LHFPL2: variants seen among roughly 807,000 people sequenced by gnomAD.
LHFPL2 encodes the protein LHFPL tetraspan subfamily member 2, also known as LHFPL tetraspan subfamily member 2 protein.
A neutral mutation model predicts 17.5 loss-of-function variants in LHFPL2; 7 were observed. That is an observed-to-expected ratio of 0.40 (90% CI 0.23 to 0.75). The LOEUF is 0.75. LHFPL2 is among the 30% of genes least tolerant of loss of function. The probability of loss-of-function intolerance (pLI) is 0.37; values close to 1 mark genes in which losing one functional copy is unlikely to be tolerated. For synonymous variants in LHFPL2, 134 were observed against 116.2 expected, an observed-to-expected ratio of 1.15 and a Z score of -0.99; for missense variants, 241 against 294.8, an observed-to-expected ratio of 0.82 and a Z score of 1.34.
chr5:78,574,474 C>A (rs1757078747), intron 2 of LHFPL2, among the ~76,000 whole-genome samples: 1 of 152,236 alleles, frequency 6.6e-6, no homozygotes, highest in Non-Finnish European at 1.5e-5. Context: ...ACCAACTGAA[C>A]CCTGACCCTG....
intron 2 of LHFPL2, among the ~76,000 whole-genome samples, chr5:78,609,645 G>A (rs904472505): frequency 1.3e-5 from 2 of 151,772 alleles, no homozygotes; most frequent in Non-Finnish European, 2.9e-5. Flanking sequence ...AGGTTCTGAG[G>A]GTGTATATGT....
chr5:78,601,929 G>A (rs1744031785), intron 2 of LHFPL2, among the ~76,000 whole-genome samples: 1 of 152,146 alleles, frequency 6.6e-6, no homozygotes, highest in African/African-American at 2.4e-5. Flanking sequence ...TCAGTAGGAA[G>A]GAGTCAATGG....
chr5:78,567,113 A>G (rs1210571891), intron 2 of LHFPL2, among the ~76,000 whole-genome samples: 2 of 152,232 alleles, frequency 1.3e-5, no homozygotes, highest in African/African-American at 4.8e-5. Flanking sequence ...AGTAACGGAA[A>G]AGGCAGAATT....
rs769120828 is a variant in LHFPL2 at position 78,621,546 on chromosome 5, C to T, written c.-245+10718G>A. Among the ~76,000 whole-genome samples, 10 of 152,130 alleles carry T rather than the reference C, an allele frequency of 6.6e-5. No individual in the cohort carries two copies. The South Asian group carries it at 2.1e-3, about 32-fold the overall frequency. ...CTGTCAAGCTACCAGACAGAAAACA[C>T]CATTTAGAAACTGTTGGGTTCACCT... On this transcript the variant is annotated intron_variant, in intron 2 of 4. Coordinates refer to ENST00000380345, the MANE Select transcript of LHFPL2 (RefSeq NM_005779.3).
chr5:78,579,663 G>C (rs893781646), intron 2 of LHFPL2, among the ~76,000 whole-genome samples: 10 of 152,108 alleles, frequency 6.6e-5, no homozygotes, highest in African/African-American at 2.4e-4. Flanking sequence ...CCCTACAAAG[G>C]ACATGAACTC....
chr5:78,503,236 G>A (rs1025510502), intron 4 of LHFPL2, among the ~76,000 whole-genome samples: 1 of 152,228 alleles, frequency 6.6e-6, no homozygotes, highest in Non-Finnish European at 1.5e-5. Context: ...ATTTGTTAAT[G>A]TAATTTGAAT....
chr5:78,591,233 C>T (rs888858422), intron 2 of LHFPL2, among the ~76,000 whole-genome samples: 1 of 152,118 alleles, frequency 6.6e-6, no homozygotes, highest in Admixed American at 6.5e-5. Flanking sequence ...GGCCTAACCC[C>T]CTAATGACCA....
intron 4 of LHFPL2, among the ~76,000 whole-genome samples, chr5:78,494,929 C>T (rs1050489241): frequency 3.3e-5 from 5 of 152,232 alleles, no homozygotes; most frequent in African/African-American, 1.2e-4. Context: ...AGCCAAGTCA[C>T]AGTCCTGATT....
At chr5:78,594,233 G>A (rs538517575) in intron 2 of LHFPL2, among the ~76,000 whole-genome samples, 2 of 152,252 alleles carry the variant, frequency 1.3e-5, no homozygotes, top group South Asian at 2.1e-4. Context: ...AAAGACATTC[G>A]GCCCTATGTA....
intron 3 of LHFPL2, among the ~76,000 whole-genome samples, chr5:78,544,787 C>A (rs959497442): frequency 6.7e-6 from 1 of 149,490 alleles, no homozygotes; most frequent in Non-Finnish European, 1.5e-5. Flanking sequence ...ACACACACAC[C>A]CCAAAACAGA....
At chr5:78,498,686 G>T (rs1754682176) in intron 4 of LHFPL2, among the ~76,000 whole-genome samples, 1 of 152,074 alleles carries the variant, frequency 6.6e-6, no homozygotes. Context: ...CATGTGCAGG[G>T]ACTCTGGAGA....
At chr5:78,618,549 A>C (rs1029456518) in intron 2 of LHFPL2, among the ~76,000 whole-genome samples, 3 of 152,222 alleles carry the variant, frequency 2.0e-5, no homozygotes, top group Non-Finnish European at 4.4e-5. Context: ...CTCTCCTGCC[A>C]TGATGGCCTT....
intron 3 of LHFPL2, among the ~76,000 whole-genome samples, chr5:78,513,059 G>A (rs567495714): frequency 3.9e-5 from 6 of 152,260 alleles, no homozygotes; most frequent in Non-Finnish European, 7.4e-5. Flanking sequence ...CTGCCTGAAT[G>A]TAATTTTTCA....
rs1234042274 is a variant in LHFPL2, at chr5:78,648,275, C to A, written c.-350+224G>T. ...CCGGCGGCGCTGAGAAGCAGCTGTT[C>A]CCTTCCCATTCCCAGCACCCAACGC... On this transcript the variant is annotated intron_variant, in intron 1 of 4. Transcript: ENST00000380345. This position sits in a 1 kb window ranked among gnomAD's most constrained non-coding sequence, Gnocchi z 5.4. Among the ~76,000 whole-genome samples the A allele has an allele frequency of 6.6e-6, 1 of 152,086 alleles. No individual in the cohort carries two copies. Among genetic ancestry groups the A allele is most frequent in the Non-Finnish European group, 1.5e-5 (1 of 67,974 alleles).
intron 2 of LHFPL2, among the ~76,000 whole-genome samples, chr5:78,567,254 A>T (rs1399721993): frequency 6.6e-6 from 1 of 152,220 alleles, no homozygotes; most frequent in Non-Finnish European, 1.5e-5. Context: ...TATCATGATT[A>T]AGCTTTTCTG....
intron 4 of LHFPL2, among the ~76,000 whole-genome samples, chr5:78,491,855 A>G (rs753411692): frequency 7.2e-5 from 11 of 152,224 alleles, no homozygotes; most frequent in Non-Finnish European, 1.6e-4. Context: ...CTCATTGTTA[A>G]GGGCATATTT....
intron 1 of LHFPL2, among the ~76,000 whole-genome samples, chr5:78,645,593 T>A (rs945009388): frequency 7.5e-6 from 1 of 133,094 alleles, no homozygotes; most frequent in Admixed American, 7.5e-5. Flanking sequence ...CACACACACA[T>A]TTTTTTTGAG....
At chr5:78,545,232 CT>C (rs924169560) in intron 3 of LHFPL2, among the ~76,000 whole-genome samples, 1 of 152,202 alleles carries the variant, frequency 6.6e-6, no homozygotes, top group Non-Finnish European at 1.5e-5. Flanking sequence ...TACTTAGCCA[CT>C]TCTTCATGTC....
At chr5:78,631,879 T>A (rs1485059354) in intron 2 of LHFPL2, among the ~76,000 whole-genome samples, 1 of 144,006 alleles carries the variant, frequency 6.9e-6, no homozygotes, top group Admixed American at 7.3e-5. Context: ...GAGGTTGCAG[T>A]GAGCCAAGAT....
Sources: allele counts gnomAD v4.1 joint callset (sites outside exome capture counted in the v4.1 genomes callset), GRCh38; gene constraint gnomAD v4.1.1; non-coding constraint Gnocchi (gnomAD v3.1); transcripts MANE v1.5; gene names NCBI Gene and HGNC (gene_info 2026-07-23, HGNC 2026-07-21).